Variants in TNFAIP3 observed in about 807,000 individuals in gnomAD.
The protein encoded by TNFAIP3 is TNF alpha induced protein 3, also known as tumor necrosis factor alpha-induced protein 3.
Under a neutral mutation model 72.4 loss-of-function variants are expected in TNFAIP3, and 9 were observed. The ratio of observed to expected loss-of-function variants is 0.12; its 90% CI spans 0.07 to 0.22. The LOEUF (loss-of-function observed/expected upper bound fraction) is 0.22. Among genes scored for constraint, TNFAIP3 ranks in the 10% least tolerant of loss-of-function variants. TNFAIP3 has a pLI of 1.00. For synonymous variants in TNFAIP3, 339 were observed against 372.6 expected, an observed-to-expected ratio of 0.91 and a Z score of 1.04; for missense variants, 833 against 1,018.7, an observed-to-expected ratio of 0.82 and a Z score of 2.48.
intron 2 of TNFAIP3, among the ~76,000 whole-genome samples, chr6:137,874,068 A>C (rs896187709): frequency 6.6e-6 from 1 of 152,238 alleles, no homozygotes; most frequent in Non-Finnish European, 1.5e-5. Context: ...AAGGTCACAG[A>C]TTAATGGCAT....
At chr6:137,875,587 G>A in intron 3 of TNFAIP3, 101 bp from the exon 4 acceptor site, 1 of 1,375,032 alleles carries the variant, frequency 7.3e-7, no homozygotes, top group Non-Finnish European at 9.9e-7. Context: ...AAAATAAGCT[G>A]AGTTATATAA....
intron 8 of TNFAIP3, among the ~76,000 whole-genome samples, chr6:137,880,788 G>A (rs1776423877): frequency 6.6e-6 from 1 of 152,144 alleles, no homozygotes; most frequent in Admixed American, 6.5e-5. Context: ...AAGTTTGCAG[G>A]CCAACTTAGG....
intron 8 of TNFAIP3, 94 bp from the exon 9 acceptor site, chr6:137,880,941 C>A: frequency 7.2e-7 from 1 of 1,386,536 alleles, no homozygotes; most frequent in Non-Finnish European, 9.9e-7. Flanking sequence ...TTGTAGACTC[C>A]ACACTCTCCA....
intron 8 of TNFAIP3, 73 bp from the exon 9 acceptor site, chr6:137,880,962 A>T: frequency 6.7e-7 from 1 of 1,491,002 alleles, no homozygotes; most frequent in South Asian, 1.3e-5. Context: ...ATGAGATTTC[A>T]TTGTGCTCTC....
At chr6:137,878,157 G>A (rs1776313509) in intron 6 of TNFAIP3, among the ~76,000 whole-genome samples, 1 of 152,164 alleles carries the variant, frequency 6.6e-6, no homozygotes, top group Admixed American at 6.5e-5. Context: ...ATTTTTGGAT[G>A]GACCAAGATT....
In TNFAIP3 at chr6:137,881,352, T is replaced by C. The variant is rs762024480; in HGVS notation, c.*33T>C. On this transcript the variant is annotated 3_prime_UTR_variant, in exon 9 of 9. Coordinates refer to ENST00000612899, the MANE Select transcript of TNFAIP3 (RefSeq NM_001270508.2). The surrounding 1 kb of genome is among the most constrained non-coding windows in gnomAD (Gnocchi z 5.0). ...CAGGTGGGTCACCTCCTGCAAGAAG[T>C]GGGGCCTCGAGCTGTCAGTCATCAT... is the stretch of plus-strand genomic sequence containing the variant. 1.3e-6 allele frequency: 2 copies of C among 1,519,806 alleles called. No homozygotes were observed. Among genetic ancestry groups the C allele is most frequent in the East Asian group, 2.3e-5 (1 of 43,966 alleles). 94.1% of individuals were successfully genotyped at this position (1,519,806 alleles called of 1,614,324 possible).
intron 2 of TNFAIP3, among the ~76,000 whole-genome samples, chr6:137,874,253 C>T (rs778795133): frequency 4.6e-5 from 7 of 152,168 alleles, no homozygotes; most frequent in Non-Finnish European, 1.0e-4. Flanking sequence ...ATAGGTAATT[C>T]CGTGTTGTCA....
In TNFAIP3 at chr6:137,875,025, A is replaced by G. The variant is rs1390830383; in HGVS notation, c.476A>G (p.Tyr159Cys). 6.2e-7 allele frequency: 1 copy of G among 1,614,124 alleles called. No individual in the cohort carries two copies. Among genetic ancestry groups the G allele is most frequent in the Admixed American group, 1.7e-5 (1 of 60,020 alleles). The change falls in exon 3 of 9, where the codon TAT (tyrosine) becomes TGT (cysteine). Residue 159 changes from tyrosine (Y) to cysteine (C), a missense_variant. Around this residue, in one of 2 missense-constraint regions of TNFAIP3, gnomAD observed 246 missense variants for 360.9 expected, o/e 0.68. Coordinates refer to ENST00000612899, the MANE Select transcript of TNFAIP3 (RefSeq NM_001270508.2). ...GAATTTGTTGAAACGGGGCTTTGCT[A>G]TGATACTCGGGTAGGTTTTTCCCCC... The part of the protein sequence containing the change: ...SQEFVETGLC[Y>C]DTRNWNDEWD...
Position 137,881,239 on chromosome 6 carries a change from C to G in TNFAIP3, c.2293C>G (p.Pro765Ala). 1 of 1,603,448 alleles carries G rather than the reference C, an allele frequency of 6.2e-7. No homozygotes were observed. The change falls in exon 9 of 9, where the codon CCC becomes GCC. Residue 765 changes from proline to alanine, a missense_variant. Transcript: ENST00000612899. The surrounding 1 kb of genome is among the most constrained non-coding windows in gnomAD (Gnocchi z 5.0). ...CCCCCCCAAGCAGCGTTGCCGGGCCCCCGCCTGTGATCATTTTGGCAATGC... is the reference window on the plus strand; with the variant it reads ...CCCCCCCAAGCAGCGTTGCCGGGCCGCCGCCTGTGATCATTTTGGCAATGC... ...EDPPKQRCRAPACDHFGNAKC... is the reference protein window; with the variant it reads ...EDPPKQRCRAAACDHFGNAKC...
chr6:137,870,464 G>A (rs769428328), intron 1 of TNFAIP3, among the ~76,000 whole-genome samples: 13 of 152,084 alleles, frequency 8.5e-5, no homozygotes, highest in Non-Finnish European at 1.5e-4. Flanking sequence ...AGTCCGGTGC[G>A]GAGGTTCTGA....
intron 1 of TNFAIP3, among the ~76,000 whole-genome samples, chr6:137,869,112 G>A (rs1446751006): frequency 6.6e-6 from 1 of 152,214 alleles, no homozygotes; most frequent in Non-Finnish European, 1.5e-5. Context: ...CAAGGGGCAG[G>A]TATTGAAAGA....
rs1775898587 is a variant in TNFAIP3 at position 137,867,977 on chromosome 6, G to A, written c.-16+435G>A. The stretch of plus-strand genomic sequence containing the variant: ...TGCAGGACCAGCCCGACGGGGCGTA[G>A]GGTACCGCAGTGGCCGCCAGCCCGG... On this transcript the variant is annotated intron_variant, in intron 1 of 8. Transcript: ENST00000612899. This position sits in a 1 kb window ranked among gnomAD's most constrained non-coding sequence, Gnocchi z 6.0. 6.6e-6 allele frequency: 1 copy of A among 152,590 alleles called. No individual in the cohort carries two copies. Among genetic ancestry groups the A allele is most frequent in the African/African-American group, 2.4e-5 (1 of 41,410 alleles). The allele number at this position is 152,590 out of a possible 1,614,324, so 9.5% of individuals were successfully genotyped here.
rs1018151448 is a variant in TNFAIP3, at chr6:137,881,217, C to T, written c.2271C>T (p.Pro757=). Residue 757 remains proline (P), a synonymous_variant, in exon 9 of 9, where the codon CCC becomes CCT. Coordinates refer to ENST00000612899, the MANE Select transcript of TNFAIP3 (RefSeq NM_001270508.2). The surrounding 1 kb of genome is among the most constrained non-coding windows in gnomAD (Gnocchi z 5.0). Reference sequence around the variant, plus strand: ...GGGGTGAGCCTGCCCCCGAAGACCCCCCCAAGCAGCGTTGCCGGGCCCCCG... The same window carrying T: ...GGGGTGAGCCTGCCCCCGAAGACCCTCCCAAGCAGCGTTGCCGGGCCCCCG... The part of the protein sequence containing the change: ...AHRGEPAPED[P]PKQRCRAPAC... The T allele has an allele frequency of 1.9e-6, 3 of 1,611,656 alleles. No homozygotes were observed. Among genetic ancestry groups the T allele is most frequent in the Non-Finnish European group, 2.5e-6 (3 of 1,179,068 alleles).
In TNFAIP3 at chr6:137,881,536, G is replaced by T. The variant is rs1246196745; in HGVS notation, c.*217G>T. 2.2e-6 allele frequency: 1 copy of T among 461,058 alleles called. No individual in the cohort carries two copies. Among genetic ancestry groups the T allele is most frequent in the Non-Finnish European group, 3.8e-6 (1 of 262,168 alleles). The allele number at this position is 461,058 out of a possible 1,614,324, so 28.6% of individuals were successfully genotyped here. On this transcript the variant is annotated 3_prime_UTR_variant, in exon 9 of 9. Transcript: ENST00000612899. The surrounding 1 kb of genome is among the most constrained non-coding windows in gnomAD (Gnocchi z 5.0). Reference sequence around the variant, plus strand: ...CCTTAGAAAGCAAAGCTTGTAACTGGCAAGGGATGATGTCAGATTCAGCCC... The same window carrying T: ...CCTTAGAAAGCAAAGCTTGTAACTGTCAAGGGATGATGTCAGATTCAGCCC...
At chr6:137,866,975 G>A (rs1254540166), upstream of TNFAIP3, 1 of 150,936 alleles carries the variant, frequency 6.6e-6, no homozygotes, top group African/African-American at 2.4e-5. Flanking sequence ...ATGCCCAGGT[G>A]ACTCACGCGG....
chr6:137,881,357 C>G lies in TNFAIP3; in HGVS notation c.*38C>G. 6.6e-7 allele frequency: 1 copy of G among 1,514,756 alleles called. No homozygotes were observed. Among genetic ancestry groups the G allele is most frequent in the East Asian group, 2.3e-5 (1 of 43,978 alleles). 93.8% of individuals were successfully genotyped at this position (1,514,756 alleles called of 1,614,324 possible). A position where few individuals can be genotyped will look rare whatever the true frequency, so the allele number is the denominator to read the frequency against. ...GGGTCACCTCCTGCAAGAAGTGGGG[C>G]CTCGAGCTGTCAGTCATCATGGTGC... On this transcript the variant is annotated 3_prime_UTR_variant, in exon 9 of 9. Transcript: ENST00000612899. This position sits in a 1 kb window ranked among gnomAD's most constrained non-coding sequence, Gnocchi z 5.0.
At chr6:137,880,376 G>T in intron 8 of TNFAIP3, 124 bp downstream of exon 8, 1 of 1,049,764 alleles carries the variant, frequency 9.5e-7, no homozygotes, top group Non-Finnish European at 1.4e-6. Flanking sequence ...CATGATAAAG[G>T]ATTAATTCAG....
In TNFAIP3 at chr6:137,880,238, A is replaced by T. The variant is rs1390734628; in HGVS notation, c.2074A>T (p.Thr692Ser). The T allele has an allele frequency of 6.2e-7, 1 of 1,614,122 alleles. No homozygotes were observed. The highest frequency in any genetic ancestry group is 2.2e-5 in the East Asian group (1 of 44,884). The change falls in exon 8 of 9, where the codon ACA (threonine) becomes TCA (serine). Residue 692 changes from threonine to serine, a missense_variant. Thr to Ser is a moderately conservative substitution (Grantham distance 58). Around this residue, in one of 2 missense-constraint regions of TNFAIP3, gnomAD observed 587 missense variants for 657.8 expected, o/e 0.89. Coordinates refer to ENST00000612899, the MANE Select transcript of TNFAIP3 (RefSeq NM_001270508.2). Reference protein sequence around the residue: ...QNQRFHEAKRTEEQLRSSQRR... With the variant: ...QNQRFHEAKRSEEQLRSSQRR... ...TCAGAGATTTCATGAGGCCAAAAGG[A>T]CAGAAGAGCAACTGGTGAGACACTT...
Position 137,881,223 on chromosome 6 carries a change from G to A in TNFAIP3, c.2277G>A (p.Lys759=), listed in dbSNP as rs1369791374. The A allele has an allele frequency of 1.2e-6, 2 of 1,610,732 alleles. No homozygotes were observed. Among genetic ancestry groups the A allele is most frequent in the African/African-American group, 2.7e-5 (2 of 74,688 alleles). The change falls in exon 9 of 9, where the codon AAG becomes AAA. Residue 759 remains lysine, a synonymous_variant. Coordinates refer to ENST00000612899, the MANE Select transcript of TNFAIP3 (RefSeq NM_001270508.2). The surrounding 1 kb of genome is among the most constrained non-coding windows in gnomAD (Gnocchi z 5.0). The part of the protein sequence containing the change: ...RGEPAPEDPP[K]QRCRAPACDH... Reference sequence around the variant, plus strand: ...AGCCTGCCCCCGAAGACCCCCCCAAGCAGCGTTGCCGGGCCCCCGCCTGTG... The same window carrying A: ...AGCCTGCCCCCGAAGACCCCCCCAAACAGCGTTGCCGGGCCCCCGCCTGTG...
Sources: allele counts gnomAD v4.1 joint callset (sites outside exome capture counted in the v4.1 genomes callset), GRCh38; gene constraint gnomAD v4.1.1; regional missense constraint gnomAD v4.1.1; non-coding constraint Gnocchi (gnomAD v3.1); transcripts MANE v1.5; gene names NCBI Gene and HGNC (gene_info 2026-07-23, HGNC 2026-07-21).